Variants in FMR1 observed in about 807,000 individuals in gnomAD.
FMR1 encodes fragile X messenger ribonucleoprotein 1.
Under a neutral mutation model 50.6 loss-of-function variants are expected in FMR1, and 13 were observed. The observed-to-expected ratio is 0.26, with a 90% CI of 0.17 to 0.41. FMR1 has a LOEUF of 0.41. Ranked by LOEUF, FMR1 falls within the 10% of genes least tolerant of loss-of-function variation. FMR1 has a pLI of 1.00. For synonymous variants in FMR1, 138 were observed against 164.1 expected, an observed-to-expected ratio of 0.84 and a Z score of 1.22; for missense variants, 316 against 491.3, an observed-to-expected ratio of 0.64 and a Z score of 3.37.
chrX:147,930,561 T>G (rs2043555833), intron 7 of FMR1, among the ~76,000 whole-genome samples: 1 of 111,881 alleles, frequency 8.9e-6, no homozygotes, highest in Non-Finnish European at 1.9e-5. Flanking sequence ...CTAGAGAATA[T>G]TTAAATATCT....
intron 13 of FMR1, among the ~76,000 whole-genome samples, chrX:147,942,904 G>A (rs1361045169): frequency 8.9e-6 from 1 of 111,985 alleles, no homozygotes; most frequent in Non-Finnish European, 1.9e-5. Context: ...ACTGCTGAGT[G>A]TTTTTGTTAT....
Position 147,949,032 on chromosome X carries a change from A to G in FMR1, c.*188A>G, listed in dbSNP as rs1557182806. 6 of 515,796 alleles carry G rather than the reference A, an allele frequency of 1.2e-5. No homozygotes were observed. In the East Asian group the frequency reaches 2.2e-4, roughly 19 times the overall value. 42.5% of individuals were successfully genotyped at this position (515,796 alleles called of 1,213,427 possible). A position where few individuals can be genotyped will look rare whatever the true frequency, so the allele number is the denominator to read the frequency against. ...AGCAACAATTTTCAGATTTGCACAA[A>G]AAGATACCTTAAAATTTGAAACATT... On this transcript the variant is annotated 3_prime_UTR_variant, in exon 17 of 17. Coordinates refer to ENST00000370475, the MANE Select transcript of FMR1 (RefSeq NM_002024.6).
In FMR1 at chrX:147,943,255, A is replaced by C; in HGVS notation, c.1400A>C (p.Gln467Pro). ...AAAAGCTATGTGACTGATGATGGTC[A>C]AGGAATGGGTCGAGGTAGTAGACCT... ...KEKSYVTDDG[Q>P]GMGRGSRPYR... Residue 467 changes from glutamine (Q) to proline (P), a missense_variant, in exon 14 of 17, where the codon CAA (glutamine) becomes CCA (proline). This residue lies in a region of FMR1 where 124 missense variants were observed against 160.8 expected (regional missense o/e 0.77). Coordinates refer to ENST00000370475, the MANE Select transcript of FMR1 (RefSeq NM_002024.6). 1.7e-6 allele frequency: 2 copies of C among 1,211,327 alleles called. No homozygotes were observed. Among genetic ancestry groups the C allele is most frequent in the Non-Finnish European group, 2.2e-6 (2 of 895,146 alleles).
At chrX:147,947,893 CT>C (rs1371588755) in intron 16 of FMR1, among the ~76,000 whole-genome samples, 1 of 111,993 alleles carries the variant, frequency 8.9e-6, no homozygotes, top group Non-Finnish European at 1.9e-5. Context: ...TCACTGTTAA[CT>C]TTCATTTGTA....
At chrX:147,923,835 T>G (rs2043281018) in intron 2 of FMR1, among the ~76,000 whole-genome samples, 1 of 111,937 alleles carries the variant, frequency 8.9e-6, no homozygotes, top group Non-Finnish European at 1.9e-5. Context: ...TCCACCAAAG[T>G]AATCTCTTTG....
chrX:147,945,986 C>G (rs896718188), intron 16 of FMR1, among the ~76,000 whole-genome samples: 55 of 112,093 alleles, frequency 4.9e-4, no homozygotes, highest in African/African-American at 1.8e-3. Flanking sequence ...AAGTGATTCT[C>G]CTGCCTCAGC....
chrX:147,936,673 A>T, intron 10 of FMR1, 60 bp downstream of exon 10: 1 of 682,157 alleles, frequency 1.5e-6, no homozygotes, highest in Non-Finnish European at 2.4e-6. Flanking sequence ...TTTTTATGTG[A>T]TATGTTGAGG....
At chrX:147,944,838 A>G in intron 14 of FMR1, 31 bp from the exon 15 acceptor site, 2 of 1,194,647 alleles carry the variant, frequency 1.7e-6, no homozygotes, top group Non-Finnish European at 2.3e-6. Context: ...TTAAAGTCAG[A>G]CAATGGTATA....
intron 5 of FMR1, among the ~76,000 whole-genome samples, chrX:147,929,484 C>T (rs1367056752): frequency 9.1e-6 from 1 of 109,656 alleles, no homozygotes; most frequent in African/African-American, 3.3e-5. Context: ...AGTTTCTTAC[C>T]CCATTCTCCG....
chrX:147,948,383 GTT>G, intron 16 of FMR1: 14 of 868,728 alleles, frequency 1.6e-5, no homozygotes, highest in Non-Finnish European at 2.0e-5. Flanking sequence ...CATTTTACCT[GTT>G]TGTTTCTCAC....
intron 1 of FMR1, among the ~76,000 whole-genome samples, chrX:147,918,555 CTTTTTTTTTT>C (rs368581020): frequency 8.5e-5 from 4 of 47,277 alleles, no homozygotes; most frequent in African/African-American, 3.2e-4. Flanking sequence ...CCTGCAAAAG[CTTTTTTTTTT>C]TTTTTTTTTT....
chrX:147,933,342 T>C (rs183087450), intron 9 of FMR1: 25 of 545,664 alleles, frequency 4.6e-5, no homozygotes, highest in Non-Finnish European at 6.7e-5. Context: ...TGAAATAGAT[T>C]TGTATTTGAT....
intron 16 of FMR1, chrX:147,948,329 G>A (rs1193762135): frequency 9.1e-5 from 35 of 384,400 alleles, no homozygotes; most frequent in Non-Finnish European, 1.2e-4. Flanking sequence ...TTTAACTCTA[G>A]TGTTAGAGGC....
chrX:147,946,684 T>C (rs1928676223), intron 16 of FMR1, among the ~76,000 whole-genome samples: 1 of 112,575 alleles, frequency 8.9e-6, no homozygotes, highest in Admixed American at 9.4e-5. Flanking sequence ...AACCTTAGTG[T>C]CTGATTCTCT....
chrX:147,937,374 T>A (rs1269796529), intron 10 of FMR1, 92 bp from the exon 11 acceptor site: 9 of 586,957 alleles, frequency 1.5e-5, no homozygotes, highest in East Asian at 3.3e-5. Context: ...TTACATTTTT[T>A]AAAAATATGA....
chrX:147,936,399 C>T (rs1333419534), intron 9 of FMR1, 105 bp from the exon 10 acceptor site: 5 of 537,496 alleles, frequency 9.3e-6, no homozygotes, highest in Non-Finnish European at 1.6e-5. Flanking sequence ...TACACATACA[C>T]ATAAAAATAT....
At chrX:147,933,278 A>G in intron 9 of FMR1, 1 of 345,863 alleles carries the variant, frequency 2.9e-6, no homozygotes. Flanking sequence ...TACCTTTTAT[A>G]TCTTAAAATT....
At chrX:147,920,177 T>A (rs781819033) in intron 1 of FMR1, among the ~76,000 whole-genome samples, 9 of 112,472 alleles carry the variant, frequency 8.0e-5, no homozygotes, top group Non-Finnish European at 1.3e-4. Context: ...GCATATTCAT[T>A]GATTTTTTTT....
At chrX:147,945,191 C>A in intron 15 of FMR1, 140 bp downstream of exon 15, 1 of 934,952 alleles carries the variant, frequency 1.1e-6, no homozygotes, top group Non-Finnish European at 1.5e-6. Flanking sequence ...AAAGGATCAG[C>A]CTTCCACTTG....
Sources: gnomAD v4.1 joint callset for allele counts (sites outside exome capture counted in the v4.1 genomes callset) on GRCh38, gnomAD v4.1.1 for gene constraint, gnomAD v4.1.1 regional missense constraint, MANE v1.5 for transcripts, NCBI Gene and HGNC (gene_info 2026-07-23, HGNC 2026-07-21) for gene names.